The following DRC11 variants were observed in gnomAD, a reference collection of about 807,000 sequenced individuals.
DRC11 encodes the protein IQ and AAA domain-containing protein 1.
At chr2:236,440,914 G>A in the DRC11 span, 7 of 631,238 alleles carry the variant, frequency 1.1e-5, no homozygotes, top group Non-Finnish European at 1.7e-5. Context: ...ACACCCAAAA[G>A]TATTTCCATG....
the DRC11 span, among the ~76,000 whole-genome samples, chr2:236,481,871 C>G: frequency 4.1e-5 from 6 of 146,796 alleles, no homozygotes; most frequent in Non-Finnish European, 9.0e-5. Flanking sequence ...ATGTATAATT[C>G]TATGTATAAT....
At chr2:236,437,108 C>T in the DRC11 span, among the ~76,000 whole-genome samples, 1 of 124,102 alleles carries the variant, frequency 8.1e-6, no homozygotes, top group African/African-American at 3.1e-5. Flanking sequence ...CACCCCACAA[C>T]AGTCCCCAGA....
chr2:236,473,103 C>A, the DRC11 span, among the ~76,000 whole-genome samples: 2 of 152,108 alleles, frequency 1.3e-5, no homozygotes, highest in Non-Finnish European at 2.9e-5. The surrounding 1 kb of genome is among the most constrained non-coding windows in gnomAD (Gnocchi z 4.8). Context: ...TAAAAATAAT[C>A]AAAGATCATC....
At chr2:236,468,097 T>C in the DRC11 span, among the ~76,000 whole-genome samples, 1 of 152,160 alleles carries the variant, frequency 6.6e-6, no homozygotes, top group South Asian at 2.1e-4. Context: ...AATGAGAACA[T>C]ATAACTTTTC....
chr2:236,429,528 C>T, the DRC11 span, among the ~76,000 whole-genome samples: 1 of 152,108 alleles, frequency 6.6e-6, no homozygotes, highest in African/African-American at 2.4e-5. The surrounding 1 kb of genome is among the most constrained non-coding windows in gnomAD (Gnocchi z 5.9). Flanking sequence ...AATAGCCTGG[C>T]TACAGGAGTC....
the DRC11 span, among the ~76,000 whole-genome samples, chr2:236,406,580 G>A: frequency 6.6e-6 from 1 of 152,164 alleles, no homozygotes; most frequent in Non-Finnish European, 1.5e-5. The surrounding 1 kb of genome is among the most constrained non-coding windows in gnomAD (Gnocchi z 4.7). Flanking sequence ...AGAGGCTGAC[G>A]ATTTCCCACT....
chr2:236,380,092 C>T, the DRC11 span, among the ~76,000 whole-genome samples: 1 of 152,164 alleles, frequency 6.6e-6, no homozygotes, highest in South Asian at 2.1e-4. The surrounding 1 kb of genome is among the most constrained non-coding windows in gnomAD (Gnocchi z 4.9). Context: ...TAAAAATGAA[C>T]ACTTGAATTC....
At chr2:236,358,458 A>ATG in the DRC11 span, among the ~76,000 whole-genome samples, 1 of 143,610 alleles carries the variant, frequency 7.0e-6, no homozygotes, top group Admixed American at 7.1e-5. Context: ...TATAAAAAGT[A>ATG]TAAATATTTG....
At chr2:236,414,825 T>A in the DRC11 span, among the ~76,000 whole-genome samples, 1 of 152,194 alleles carries the variant, frequency 6.6e-6, no homozygotes, top group Non-Finnish European at 1.5e-5. Flanking sequence ...GCAGGCAAGA[T>A]TATTAATCAC....
chr2:236,330,588 A>G, the DRC11 span, among the ~76,000 whole-genome samples: 10 of 152,228 alleles, frequency 6.6e-5, no homozygotes, highest in African/African-American at 2.4e-4. The surrounding 1 kb of genome is among the most constrained non-coding windows in gnomAD (Gnocchi z 5.5). Flanking sequence ...CCTGATGTTA[A>G]GCAGGCTCCC....
the DRC11 span, among the ~76,000 whole-genome samples, chr2:236,383,807 C>T: frequency 6.6e-6 from 1 of 151,902 alleles, no homozygotes. Flanking sequence ...GATGCTATCC[C>T]TCCCCACTCC....
the DRC11 span, chr2:236,368,350 C>T: frequency 9.0e-7 from 1 of 1,108,030 alleles, no homozygotes. Context: ...CAGCGCTGGT[C>T]TGAGCTGCAT....
chr2:236,317,531 A>C, the DRC11 span, among the ~76,000 whole-genome samples: 1 of 152,214 alleles, frequency 6.6e-6, no homozygotes, highest in Non-Finnish European at 1.5e-5. The surrounding 1 kb of genome is among the most constrained non-coding windows in gnomAD (Gnocchi z 5.4). Context: ...AGGATGCTGG[A>C]AATCAGGACA....
chr2:236,499,773 C>T, the DRC11 span, among the ~76,000 whole-genome samples: 1 of 152,142 alleles, frequency 6.6e-6, no homozygotes, highest in South Asian at 2.1e-4. The surrounding 1 kb of genome is among the most constrained non-coding windows in gnomAD (Gnocchi z 4.7). Context: ...TTTCTTTGTC[C>T]TTGTGAGTTC....
chr2:236,497,599 A>T, the DRC11 span: 1 of 720,282 alleles, frequency 1.4e-6, no homozygotes, highest in African/African-American at 1.8e-5. This position sits in a 1 kb window ranked among gnomAD's most constrained non-coding sequence, Gnocchi z 5.1. Flanking sequence ...GTGTGAGCTA[A>T]GAATATAGTT....
chr2:236,339,480 T>G, the DRC11 span, among the ~76,000 whole-genome samples: 1 of 152,232 alleles, frequency 6.6e-6, no homozygotes, highest in Non-Finnish European at 1.5e-5. Flanking sequence ...AAGGAACAAC[T>G]GCCTAATCTA....
At chr2:236,440,413 T>A in the DRC11 span, among the ~76,000 whole-genome samples, 1 of 152,206 alleles carries the variant, frequency 6.6e-6, no homozygotes, top group African/African-American at 2.4e-5. Context: ...TTGAGTATAA[T>A]GCAAATCTTC....
At chr2:236,436,849 T>C in the DRC11 span, among the ~76,000 whole-genome samples, 1 of 152,212 alleles carries the variant, frequency 6.6e-6, no homozygotes, top group African/African-American at 2.4e-5. Context: ...TATCTGTCTA[T>C]TCATTTTCCA....
chr2:236,469,261 A>C, the DRC11 span, among the ~76,000 whole-genome samples: 1 of 152,174 alleles, frequency 6.6e-6, no homozygotes, highest in African/African-American at 2.4e-5. The surrounding 1 kb of genome is among the most constrained non-coding windows in gnomAD (Gnocchi z 5.8). Flanking sequence ...GCTGGAGTGC[A>C]GTGGCGCGAT....
Sources: allele counts gnomAD v4.1 joint callset (sites outside exome capture counted in the v4.1 genomes callset), GRCh38; gene constraint gnomAD v4.1.1; non-coding constraint Gnocchi (gnomAD v3.1); transcripts MANE v1.5; gene names NCBI Gene and HGNC (gene_info 2026-07-23, HGNC 2026-07-21).